The following GABRG3 variants were observed in gnomAD, a reference collection of about 807,000 sequenced individuals.
GABRG3 encodes gamma-aminobutyric acid type A receptor subunit gamma3, also known as gamma-aminobutyric acid receptor subunit gamma-3.
Under a neutral mutation model 48.8 loss-of-function variants are expected in GABRG3, and 25 were observed. The ratio of observed to expected loss-of-function variants is 0.51; its 90% CI spans 0.37 to 0.72. The LOEUF is 0.72. GABRG3 is among the 30% of genes least tolerant of loss of function. The pLI is 0.00. For missense variants in GABRG3, 394 were observed against 577.9 expected, an observed-to-expected ratio of 0.68 and a Z score of 3.26; for synonymous variants, 227 against 217.6, an observed-to-expected ratio of 1.04 and a Z score of -0.38.
intron 3 of GABRG3, among the ~76,000 whole-genome samples, chr15:27,159,180 G>C (rs1004081337): frequency 2.0e-5 from 3 of 151,960 alleles, no homozygotes; most frequent in Non-Finnish European, 4.4e-5. Flanking sequence ...AATACTAAAA[G>C]ACTCAAAAAG....
chr15:27,503,817 A>G (rs1288230731), intron 6 of GABRG3, among the ~76,000 whole-genome samples: 3 of 152,204 alleles, frequency 2.0e-5, no homozygotes, highest in African/African-American at 7.2e-5. Flanking sequence ...TCTCCTTGCA[A>G]TTCTGTCCAT....
At chr15:27,373,626 A>T (rs1895486186) in intron 5 of GABRG3, among the ~76,000 whole-genome samples, 1 of 152,208 alleles carries the variant, frequency 6.6e-6, no homozygotes, top group African/African-American at 2.4e-5. Flanking sequence ...ACTAGCACTT[A>T]ATTATATTAA....
intron 5 of GABRG3, among the ~76,000 whole-genome samples, chr15:27,406,703 A>T (rs1467235978): frequency 6.6e-6 from 1 of 152,186 alleles, no homozygotes; most frequent in African/African-American, 2.4e-5. Flanking sequence ...GTGGGATCCA[A>T]GGCTGAATTC....
chr15:27,284,239 AG>A (rs1891533881), intron 3 of GABRG3, among the ~76,000 whole-genome samples: 1 of 152,218 alleles, frequency 6.6e-6, no homozygotes. Context: ...TTATTATAAA[AG>A]GTAAGTTACT....
chr15:27,529,979 G>T (rs1891382238), intron 9 of GABRG3, among the ~76,000 whole-genome samples: 1 of 151,942 alleles, frequency 6.6e-6, no homozygotes, highest in Non-Finnish European at 1.5e-5. Context: ...AGGGTGCCAG[G>T]CCTGGTGAGA....
chr15:27,114,681 C>T (rs771981233), intron 3 of GABRG3, among the ~76,000 whole-genome samples: 11 of 152,214 alleles, frequency 7.2e-5, no homozygotes, highest in African/African-American at 1.2e-4. Flanking sequence ...ATAGTTTTAG[C>T]TCATGAATGA....
intron 3 of GABRG3, among the ~76,000 whole-genome samples, chr15:27,181,024 C>A (rs756833097): frequency 6.6e-6 from 1 of 152,094 alleles, no homozygotes; most frequent in Non-Finnish European, 1.5e-5. Context: ...TGGCACAGGG[C>A]AGTAAAGGCC....
intron 3 of GABRG3, among the ~76,000 whole-genome samples, chr15:27,290,913 G>A (rs952139943): frequency 6.6e-6 from 1 of 152,112 alleles, no homozygotes; most frequent in Non-Finnish European, 1.5e-5. Flanking sequence ...AAAAGTAGGT[G>A]TGGAATATTT....
chr15:27,080,801 G>A lies in GABRG3; in HGVS notation c.270+53980G>A, dbSNP rs1049506130. Among the ~76,000 whole-genome samples, 29 of 152,152 alleles carry A rather than the reference G, an allele frequency of 1.9e-4. 1 individual carries two copies. The highest frequency in any genetic ancestry group is 1.8e-3 in the Admixed American group (28 of 15,274). The stretch of plus-strand genomic sequence containing the variant: ...CCATCCAGAGGCAAGTCTCTTTCTG[G>A]CCCTGGGACTTGCTTCCAACAAGAG... On this transcript the variant is annotated intron_variant, in intron 3 of 9. Coordinates refer to ENST00000615808, the MANE Select transcript of GABRG3 (RefSeq NM_033223.5).
chr15:27,421,781 G>A (rs1425853352), intron 5 of GABRG3, among the ~76,000 whole-genome samples: 1 of 151,890 alleles, frequency 6.6e-6, no homozygotes, highest in Non-Finnish European at 1.5e-5. Flanking sequence ...GGAGTGGGCT[G>A]CTTATCTACC....
chr15:27,055,441 A>G (rs1449029071), intron 3 of GABRG3, among the ~76,000 whole-genome samples: 1 of 152,212 alleles, frequency 6.6e-6, no homozygotes, highest in Non-Finnish European at 1.5e-5. Flanking sequence ...AGCATCCCAA[A>G]TCTGAAAATC....
intron 3 of GABRG3, among the ~76,000 whole-genome samples, chr15:27,304,065 A>G (rs1892308327): frequency 6.6e-6 from 1 of 151,956 alleles, no homozygotes; most frequent in African/African-American, 2.4e-5. Context: ...CTCGCAGCAA[A>G]CTAGAGTAGA....
chr15:27,064,693 C>T (rs552795694), intron 3 of GABRG3, among the ~76,000 whole-genome samples: 3 of 152,204 alleles, frequency 2.0e-5, no homozygotes, highest in East Asian at 1.9e-4. Context: ...AAAGAATGAG[C>T]GTGCAGCACG....
chr15:27,074,113 C>G (rs755722916), intron 3 of GABRG3, among the ~76,000 whole-genome samples: 1 of 152,150 alleles, frequency 6.6e-6, no homozygotes, highest in African/African-American at 2.4e-5. Flanking sequence ...ACCATCAGAT[C>G]TCTTGAGACT....
rs149535745 is a variant in GABRG3 at position 27,270,334 on chromosome 15, T to C, written c.271-56475T>C. 8.2e-4 allele frequency among the ~76,000 whole-genome samples: 125 copies of C among 152,188 alleles called. 1 individual carries two copies. The highest frequency in any genetic ancestry group is 2.7e-3 in the African/African-American group (112 of 41,526). ...GCCTTATGTCTTTAAAATACGAACG[T>C]TGGTGTTGGTGTGGAGCTTGACCGT... On this transcript the variant is annotated intron_variant, in intron 3 of 9. Coordinates refer to ENST00000615808, the MANE Select transcript of GABRG3 (RefSeq NM_033223.5).
At chr15:27,228,582 G>A (rs1333192863) in intron 3 of GABRG3, among the ~76,000 whole-genome samples, 1 of 152,234 alleles carries the variant, frequency 6.6e-6, no homozygotes, top group East Asian at 1.9e-4. Context: ...TATATACCCA[G>A]TAATGGGATT....
intron 6 of GABRG3, among the ~76,000 whole-genome samples, chr15:27,497,288 A>C (rs1252178673): frequency 6.6e-6 from 1 of 152,096 alleles, no homozygotes; most frequent in East Asian, 1.9e-4. Flanking sequence ...CTGAGTTCTT[A>C]ACTTGGGTGG....
At position 26,976,896 on chromosome 15, in the gene GABRG3, C is replaced by T; in HGVS notation, c.54-106C>T. On this transcript the variant is annotated intron_variant, in intron 1 of 9. Transcript: ENST00000615808. This position sits in a 1 kb window ranked among gnomAD's most constrained non-coding sequence, Gnocchi z 7.8. Reference sequence around the variant, plus strand: ...CACGTGTGTGGTTGGGCTGTGGGTACTGGGGACTTTCTACCCATTTCATGG... The same window carrying T: ...CACGTGTGTGGTTGGGCTGTGGGTATTGGGGACTTTCTACCCATTTCATGG... 1 of 1,116,260 alleles carries T rather than the reference C, an allele frequency of 9.0e-7. No homozygotes were observed. The allele number at this position is 1,116,260 out of a possible 1,614,324, so 69.1% of individuals were successfully genotyped here.
intron 6 of GABRG3, among the ~76,000 whole-genome samples, chr15:27,497,164 T>C (rs1206574653): frequency 6.6e-6 from 1 of 152,236 alleles, no homozygotes; most frequent in Non-Finnish European, 1.5e-5. Context: ...TGTTAGGTTC[T>C]ATAAATGCCA....
Sources: allele counts gnomAD v4.1 joint callset (sites outside exome capture counted in the v4.1 genomes callset), GRCh38; gene constraint gnomAD v4.1.1; non-coding constraint Gnocchi (gnomAD v3.1); transcripts MANE v1.5; gene names NCBI Gene and HGNC (gene_info 2026-07-23, HGNC 2026-07-21).